GABRR2: variants seen among roughly 807,000 people sequenced by gnomAD.
GABRR2 encodes gamma-aminobutyric acid receptor subunit rho-2.
A neutral mutation model predicts 47.0 loss-of-function variants in GABRR2; 36 were observed. The observed-to-expected ratio is 0.77, with a 90% CI of 0.59 to 1.01. The LOEUF is 1.01. GABRR2 is among the 50% of genes least tolerant of loss of function. GABRR2 has a pLI of 0.00. For synonymous variants in GABRR2, 204 were observed against 227.5 expected (o/e 0.90, Z 0.93); for missense variants, 587 against 594.6 (o/e 0.99, Z 0.13).
intron 4 of GABRR2, 83 bp from the exon 5 acceptor site, chr6:89,268,179 CAACTGAGT>C: frequency 1.0e-6 from 1 of 952,894 alleles, no homozygotes; most frequent in South Asian, 1.4e-5. Flanking sequence ...GCACAGCACA[CAACTGAGT>C]AGCTGCCTCC....
intron 2 of GABRR2, among the ~76,000 whole-genome samples, chr6:89,284,328 G>A (rs1055222673): frequency 3.9e-5 from 6 of 152,138 alleles, no homozygotes; most frequent in African/African-American, 1.4e-4. Context: ...GTCGGTAGTA[G>A]GCAGAATAAT....
chr6:89,309,722 T>C (rs1014789006), intron 1 of GABRR2, among the ~76,000 whole-genome samples: 2 of 152,124 alleles, frequency 1.3e-5, no homozygotes, highest in East Asian at 3.8e-4. Context: ...TTTGTTACAA[T>C]TGATAATCCT....
intron 2 of GABRR2, among the ~76,000 whole-genome samples, chr6:89,297,985 A>G (rs1028288454): frequency 2.6e-5 from 4 of 152,250 alleles, no homozygotes; most frequent in African/African-American, 9.7e-5. Flanking sequence ...CGCCTTGCTT[A>G]GACTTCCTGG....
At chr6:89,272,730 C>G (rs1774081544) in intron 2 of GABRR2, among the ~76,000 whole-genome samples, 1 of 152,156 alleles carries the variant, frequency 6.6e-6, no homozygotes, top group Admixed American at 6.5e-5. Context: ...ACGTTGTGAC[C>G]CACTGTGGTC....
At position 89,257,976 on chromosome 6, in the gene GABRR2, CG is replaced by C. The variant is rs1773646589; in HGVS notation, c.1091del (p.Pro364ArgfsTer12). Reference sequence around the variant, plus strand: ...TTGAATGAAGCATTCCACACATGCACGGGAACTATGGGCAGCAAGCACAAAG... The same window carrying C: ...TTGAATGAAGCATTCCACACATGCACGGAACTATGGGCAGCAAGCACAAAG... Reference protein sequence around the residue: ...RKERKLREKFPCMCGMLHSKT... With the variant: ...RKERKLREKFXCMCGMLHSKT... On this transcript the variant is annotated frameshift_variant, in exon 9 of 9. Coordinates refer to ENST00000402938, the MANE Select transcript of GABRR2 (RefSeq NM_002043.5). LOFTEE classifies it high-confidence loss of function. 6.2e-7 allele frequency: 1 copy of C among 1,612,332 alleles called. No individual in the cohort carries two copies. The highest frequency in any genetic ancestry group is 8.5e-7 in the Non-Finnish European group (1 of 1,179,158).
chr6:89,276,587 A>G (rs539673752), intron 2 of GABRR2, among the ~76,000 whole-genome samples: 61 of 152,184 alleles, frequency 4.0e-4, no homozygotes, highest in Non-Finnish European at 7.6e-4. Context: ...ATTTCCTTGG[A>G]AATTGTAAAT....
intron 7 of GABRR2, among the ~76,000 whole-genome samples, chr6:89,264,836 G>T (rs1773851344): frequency 6.6e-6 from 1 of 152,150 alleles, no homozygotes; most frequent in Admixed American, 6.5e-5. Context: ...TGAAAGACTG[G>T]GTTTCTGTGA....
intron 2 of GABRR2, among the ~76,000 whole-genome samples, chr6:89,272,895 G>C (rs1396408681): frequency 6.6e-6 from 1 of 152,170 alleles, no homozygotes; most frequent in African/African-American, 2.4e-5. Context: ...CTCAGCTCCC[G>C]CCCAAATGCA....
At chr6:89,271,790 G>C (rs1418813872) in intron 2 of GABRR2, 68 bp from the exon 3 acceptor site, 26 of 1,385,496 alleles carry the variant, frequency 1.9e-5, no homozygotes, top group Middle Eastern at 1.8e-4. Flanking sequence ...AACAGCCCCA[G>C]TTGGCTTCCC....
Position 89,254,579 on chromosome 6 carries a change from A to G in GABRR2, c.*3091T>C, listed in dbSNP as rs138401761. On this transcript the variant is annotated 3_prime_UTR_variant, in exon 9 of 9. Coordinates refer to ENST00000402938, the MANE Select transcript of GABRR2 (RefSeq NM_002043.5). ...GGCATTCCAGAATTTGATTGTTAGT[A>G]TTTTTTCTCAGTACATAAAATATGG... 9.3e-4 allele frequency among the ~76,000 whole-genome samples: 141 copies of G among 152,240 alleles called. No homozygotes were observed. The highest frequency in any genetic ancestry group is 3.3e-3 in the African/African-American group (139 of 41,542).
intron 1 of GABRR2, among the ~76,000 whole-genome samples, chr6:89,312,029 G>GGT (rs139164938): frequency 0.02 from 2,997 of 152,276 alleles, 89 homozygotes; most frequent in African/African-American, 0.069. Flanking sequence ...GGATGGCCGA[G>GGT]GTAGGGGTAG....
intron 4 of GABRR2, among the ~76,000 whole-genome samples, chr6:89,268,667 T>C (rs549146656): frequency 1.0e-4 from 15 of 145,696 alleles, no homozygotes; most frequent in South Asian, 6.5e-4. Context: ...GGGGGGGGGC[T>C]TTTTTTTTAA....
chr6:89,267,974 G>C (rs748596287), intron 5 of GABRR2, 40 bp downstream of exon 5: 1 of 1,594,064 alleles, frequency 6.3e-7, no homozygotes, highest in South Asian at 1.1e-5. Context: ...AAAGATCAGA[G>C]AGGAAAGAAA....
intron 1 of GABRR2, among the ~76,000 whole-genome samples, chr6:89,308,256 A>G (rs761399104): frequency 3.3e-5 from 5 of 152,236 alleles, no homozygotes; most frequent in African/African-American, 1.2e-4. Context: ...GGCTCTGCCC[A>G]GATGGCATAA....
chr6:89,292,819 TCG>T (rs1562379951), intron 2 of GABRR2, among the ~76,000 whole-genome samples: 6 of 22,388 alleles, frequency 2.7e-4, no homozygotes, highest in Admixed American at 1.1e-3. Flanking sequence ...ATACGATATA[TCG>T]TATATATCGT....
intron 7 of GABRR2, among the ~76,000 whole-genome samples, chr6:89,264,985 C>A (rs1255824003): frequency 2.0e-5 from 3 of 152,114 alleles, no homozygotes; most frequent in Non-Finnish European, 4.4e-5. Flanking sequence ...GAGAACGTGC[C>A]TTCAGAGGTG....
chr6:89,262,926 C>T (rs1268222077), intron 8 of GABRR2, among the ~76,000 whole-genome samples: 1 of 152,162 alleles, frequency 6.6e-6, no homozygotes. Flanking sequence ...ATTACTTTTG[C>T]ACAGACCTAA....
intron 2 of GABRR2, among the ~76,000 whole-genome samples, chr6:89,279,162 C>G (rs1034620438): frequency 1.3e-5 from 2 of 152,226 alleles, no homozygotes; most frequent in Non-Finnish European, 1.5e-5. Context: ...GATCCCCGGC[C>G]TGGCCCTGCA....
Position 89,257,877 on chromosome 6 carries a change from G to C in GABRR2, c.1191C>G (p.Ile397Met). ...TGTCTTGCCTTTCTTCTTCTGTCAG[G>C]ATATGGCTTCTGGGGTACCCAGCCA... ...NSLAGYPRSH[I>M]LTEEERQDKI... The change falls in exon 9 of 9, where the codon ATC becomes ATG. Residue 397 changes from isoleucine to methionine, a missense_variant. Coordinates refer to ENST00000402938, the MANE Select transcript of GABRR2 (RefSeq NM_002043.5). 1 of 1,614,030 alleles carries C rather than the reference G, an allele frequency of 6.2e-7. No individual in the cohort carries two copies. Among genetic ancestry groups the C allele is most frequent in the Non-Finnish European group, 8.5e-7 (1 of 1,179,874 alleles).
Sources: gnomAD v4.1 joint callset for allele counts (sites outside exome capture counted in the v4.1 genomes callset) on GRCh38, gnomAD v4.1.1 for gene constraint, MANE v1.5 for transcripts, NCBI Gene and HGNC (gene_info 2026-07-23, HGNC 2026-07-21) for gene names.